The following KCNQ5 variants were observed in gnomAD, a reference collection of about 807,000 sequenced individuals.
KCNQ5 encodes the protein potassium voltage-gated channel subfamily KQT member 5.
KCNQ5 carries 30 observed loss-of-function variants against 98.2 expected under a neutral mutation model. The observed-to-expected ratio is 0.31, with a 90% CI of 0.23 to 0.41. KCNQ5 has a LOEUF of 0.41. KCNQ5 is among the 10% of genes least tolerant of loss of function. The probability of loss-of-function intolerance (pLI) is 1.00; values close to 1 mark genes in which losing one functional copy is unlikely to be tolerated. For synonymous variants in KCNQ5, 458 were observed against 449.4 expected, an observed-to-expected ratio of 1.02 and a Z score of -0.24; for missense variants, 835 against 1,182.5, an observed-to-expected ratio of 0.71 and a Z score of 4.31.
intron 10 of KCNQ5, 52 bp from the exon 11 acceptor site, chr6:73,169,694 T>A: frequency 1.6e-6 from 2 of 1,290,140 alleles, no homozygotes; most frequent in Non-Finnish European, 2.3e-6. Flanking sequence ...TTCAGCAACA[T>A]GTTTCAAATT....
chr6:72,797,615 G>T (rs1232257322), intron 1 of KCNQ5, among the ~76,000 whole-genome samples: 1 of 152,048 alleles, frequency 6.6e-6, no homozygotes. Flanking sequence ...TATTTAATAG[G>T]TTATTATAGT....
At chr6:72,820,932 C>T (rs1339342737) in intron 1 of KCNQ5, among the ~76,000 whole-genome samples, 2 of 152,170 alleles carry the variant, frequency 1.3e-5, no homozygotes, top group Non-Finnish European at 2.9e-5. Flanking sequence ...CATGTACAAA[C>T]TGTGTCACTG....
At chr6:72,984,701 C>T (rs993588002) in intron 1 of KCNQ5, among the ~76,000 whole-genome samples, 1 of 152,168 alleles carries the variant, frequency 6.6e-6, no homozygotes, top group African/African-American at 2.4e-5. Flanking sequence ...CTTCAGCTCA[C>T]CCTCCATGGG....
chr6:72,696,928 T>G (rs1768536425), intron 1 of KCNQ5, among the ~76,000 whole-genome samples: 1 of 152,230 alleles, frequency 6.6e-6, no homozygotes, highest in African/African-American at 2.4e-5. Context: ...GTAGCTCTAG[T>G]GATAAAACTC....
At chr6:72,828,914 T>A (rs1231288485) in intron 1 of KCNQ5, among the ~76,000 whole-genome samples, 1 of 152,134 alleles carries the variant, frequency 6.6e-6, no homozygotes, top group Non-Finnish European at 1.5e-5. Context: ...TGGTGGTCTT[T>A]GTTTTAATAC....
intron 1 of KCNQ5, among the ~76,000 whole-genome samples, chr6:72,757,885 T>C (rs1365137410): frequency 1.3e-5 from 2 of 152,076 alleles, no homozygotes; most frequent in Non-Finnish European, 2.9e-5. Flanking sequence ...ATCAATGAGC[T>C]CTTTTTGGAA....
intron 1 of KCNQ5, among the ~76,000 whole-genome samples, chr6:72,979,140 G>A (rs531268878): frequency 5.3e-5 from 8 of 152,328 alleles, no homozygotes; most frequent in Admixed American, 6.5e-5. Flanking sequence ...GTAAACATAC[G>A]TGTGTATGTA....
chr6:72,807,782 C>T (rs3924067), intron 1 of KCNQ5, among the ~76,000 whole-genome samples: 4 of 152,044 alleles, frequency 2.6e-5, no homozygotes, highest in Admixed American at 1.3e-4. Flanking sequence ...CTAAAGTGTG[C>T]GCCTCCACAC....
At chr6:72,824,907 G>T (rs1218688890) in intron 1 of KCNQ5, among the ~76,000 whole-genome samples, 1 of 152,030 alleles carries the variant, frequency 6.6e-6, no homozygotes, top group East Asian at 1.9e-4. Context: ...TGCCTTTTCA[G>T]TGTGTAGCTT....
At chr6:72,930,273 G>T (rs554279204) in intron 1 of KCNQ5, among the ~76,000 whole-genome samples, 1 of 152,102 alleles carries the variant, frequency 6.6e-6, no homozygotes, top group South Asian at 2.1e-4. Context: ...ATCCACTAAC[G>T]TATTAAATAT....
chr6:72,828,579 C>A (rs1368792770), intron 1 of KCNQ5, among the ~76,000 whole-genome samples: 1 of 152,092 alleles, frequency 6.6e-6, no homozygotes, highest in African/African-American at 2.4e-5. Flanking sequence ...CTGTATCCTG[C>A]AACTTTACTG....
At chr6:73,174,082 C>CT (rs202158532) in intron 11 of KCNQ5, among the ~76,000 whole-genome samples, 367 of 137,118 alleles carry the variant, frequency 2.7e-3, no homozygotes, top group Middle Eastern at 7.8e-3. Context: ...CAAGGCTACT[C>CT]TTTTTTTTTT....
Position 73,077,434 on chromosome 6 carries a change from G to T in KCNQ5, c.729G>T (p.Val243=). 6.2e-7 allele frequency: 1 copy of T among 1,614,174 alleles called. No individual in the cohort carries two copies. The highest frequency in any genetic ancestry group is 8.5e-7 in the Non-Finnish European group (1 of 1,180,026). The change falls in exon 4 of 14, where the codon GTG becomes GTT. Residue 243 remains valine, a synonymous_variant. Transcript: ENST00000370398. The part of the protein sequence containing the change: ...SLRFLQILRM[V]RMDRRGGTWK... Reference sequence around the variant, plus strand: ...GTTTCCTACAGATCCTCCGCATGGTGCGCATGGACCGAAGGGGAGGCACTT... The same window carrying T: ...GTTTCCTACAGATCCTCCGCATGGTTCGCATGGACCGAAGGGGAGGCACTT...
chr6:73,146,245 G>T (rs373150462), intron 10 of KCNQ5, among the ~76,000 whole-genome samples: 1 of 152,168 alleles, frequency 6.6e-6, no homozygotes, highest in Non-Finnish European at 1.5e-5. Context: ...GTGGAGATAG[G>T]ATTACATAAC....
chr6:72,913,793 A>G (rs975412508), intron 1 of KCNQ5, among the ~76,000 whole-genome samples: 1 of 152,236 alleles, frequency 6.6e-6, no homozygotes, highest in Non-Finnish European at 1.5e-5. Flanking sequence ...GTAAGTTTTC[A>G]TGACATGAGA....
chr6:73,047,528 T>C (rs914517532), intron 3 of KCNQ5, among the ~76,000 whole-genome samples: 5 of 152,206 alleles, frequency 3.3e-5, no homozygotes, highest in Non-Finnish European at 5.9e-5. Context: ...AACTTGAAAG[T>C]TGAACTTACA....
chr6:73,019,237 T>G (rs2150337483), intron 2 of KCNQ5, among the ~76,000 whole-genome samples: 1 of 152,336 alleles, frequency 6.6e-6, no homozygotes, highest in African/African-American at 2.4e-5. Flanking sequence ...TCTATCTTAT[T>G]AGAATTGTTT....
intron 1 of KCNQ5, among the ~76,000 whole-genome samples, chr6:72,744,933 A>T (rs549857779): frequency 2.0e-5 from 3 of 152,298 alleles, no homozygotes; most frequent in Admixed American, 6.5e-5. Context: ...TAAGGACTGG[A>T]TATTGAAGCC....
intron 1 of KCNQ5, among the ~76,000 whole-genome samples, chr6:72,913,058 GA>G (rs1389069767): frequency 6.6e-6 from 1 of 152,040 alleles, no homozygotes; most frequent in African/African-American, 2.4e-5. Context: ...AACTTAAAAT[GA>G]AAGTTTTTTT....
Sources: allele counts gnomAD v4.1 joint callset (sites outside exome capture counted in the v4.1 genomes callset), GRCh38; gene constraint gnomAD v4.1.1; transcripts MANE v1.5; gene names NCBI Gene and HGNC (gene_info 2026-07-23, HGNC 2026-07-21).